G2E3: variants seen among roughly 807,000 people sequenced by gnomAD.
The protein encoded by G2E3 is G2/M phase-specific E3 ubiquitin-protein ligase.
G2E3 carries 35 observed loss-of-function variants against 92.8 expected under a neutral mutation model. The ratio of observed to expected loss-of-function variants is 0.38; its 90% CI spans 0.29 to 0.50. The LOEUF (loss-of-function observed/expected upper bound fraction) is 0.50. Ranked by LOEUF, G2E3 falls within the 20% of genes least tolerant of loss-of-function variation. The pLI, the probability that G2E3 is intolerant of heterozygous loss-of-function variation, is 0.94. For missense variants in G2E3, 554 were observed against 823.8 expected, an observed-to-expected ratio of 0.67 and a Z score of 4.01; for synonymous variants, 242 against 272.4, an observed-to-expected ratio of 0.89 and a Z score of 1.10.
intron 13 of G2E3, among the ~76,000 whole-genome samples, chr14:30,613,413 G>T (rs547635092): frequency 6.6e-6 from 1 of 152,112 alleles, no homozygotes; most frequent in Non-Finnish European, 1.5e-5. Context: ...ATATGTCTTG[G>T]ACCAGTATAA....
chr14:30,565,818 C>T (rs1188110737), intron 1 of G2E3, among the ~76,000 whole-genome samples: 1 of 151,828 alleles, frequency 6.6e-6, no homozygotes, highest in Non-Finnish European at 1.5e-5. Context: ...CCCACCACCA[C>T]ACCCGGCTAA....
intron 2 of G2E3, among the ~76,000 whole-genome samples, chr14:30,585,585 CTT>C (rs1166405949): frequency 6.9e-6 from 1 of 144,520 alleles, no homozygotes. Context: ...TCTTCTCCCC[CTT>C]TTTTTTTTTG....
intron 5 of G2E3, among the ~76,000 whole-genome samples, 186 bp from the exon 6 acceptor site, chr14:30,593,288 G>A (rs573058390): frequency 4.6e-5 from 7 of 152,162 alleles, no homozygotes; most frequent in Middle Eastern, 6.8e-3. Flanking sequence ...TTCAGATTTC[G>A]AAGGTCCAGC....
In G2E3 at chr14:30,618,477, T is replaced by C. The variant is rs988290405; in HGVS notation, c.*1943T>C. The C allele has an allele frequency of 2.6e-5, 4 of 152,124 alleles. No individual in the cohort carries two copies. The highest frequency in any genetic ancestry group is 2.6e-4 in the Admixed American group (4 of 15,266). The allele number at this position is 152,124 out of a possible 1,614,324, so 9.4% of individuals were successfully genotyped here. A position where few individuals can be genotyped will look rare whatever the true frequency, so the allele number is the denominator to read the frequency against. ...AATTAATTTCCCCTAGGGTAGAAAT[T>C]AAAGCTGATTAAGTCACACACACAT... On this transcript the variant is annotated 3_prime_UTR_variant, in exon 15 of 15. Coordinates refer to ENST00000206595, the MANE Select transcript of G2E3 (RefSeq NM_017769.5).
intron 3 of G2E3, among the ~76,000 whole-genome samples, 171 bp downstream of exon 3, chr14:30,586,986 A>G (rs1156501670): frequency 2.0e-5 from 3 of 152,164 alleles, no homozygotes; most frequent in Admixed American, 2.0e-4. Flanking sequence ...TAAGATTCTG[A>G]AGTTACTTAG....
chr14:30,591,858 G>T (rs1289077166), intron 4 of G2E3, among the ~76,000 whole-genome samples: 1 of 152,100 alleles, frequency 6.6e-6, no homozygotes, highest in Non-Finnish European at 1.5e-5. Context: ...TAAATCCACT[G>T]TAGGTGTCTC....
At chr14:30,575,457 G>C (rs1880024193) in intron 1 of G2E3, among the ~76,000 whole-genome samples, 1 of 152,090 alleles carries the variant, frequency 6.6e-6, no homozygotes, top group Non-Finnish European at 1.5e-5. Context: ...TTCCTCTTGA[G>C]AACCGACACA....
In G2E3 at chr14:30,575,988, C is replaced by A. The variant is rs1284874936; in HGVS notation, c.-4-5088C>A. Among the ~76,000 whole-genome samples the A allele has an allele frequency of 2.6e-5, 4 of 152,144 alleles. No homozygotes were observed. The South Asian group carries it at 6.2e-4, about 24-fold the overall frequency. On this transcript the variant is annotated intron_variant, in intron 1 of 14. Transcript: ENST00000206595. ...ACTGCTATTCCTGTCAAACTACCAA[C>A]AACATTCTTCACAAAACTAGAAAAA...
chr14:30,587,481 T>C (rs1299742021), intron 3 of G2E3, among the ~76,000 whole-genome samples: 2 of 152,182 alleles, frequency 1.3e-5, no homozygotes, highest in Non-Finnish European at 2.9e-5. Flanking sequence ...GCTTAAAAAA[T>C]TATTCTGAAA....
In G2E3 at chr14:30,619,403, G is replaced by A. The variant is rs1882460447; in HGVS notation, c.*2869G>A. The A allele has an allele frequency of 6.6e-6, 1 of 152,100 alleles. No homozygotes were observed. The highest frequency in any genetic ancestry group is 2.4e-5 in the African/African-American group (1 of 41,452). The allele number at this position is 152,100 out of a possible 1,614,324, so 9.4% of individuals were successfully genotyped here. On this transcript the variant is annotated 3_prime_UTR_variant, in exon 15 of 15. Coordinates refer to ENST00000206595, the MANE Select transcript of G2E3 (RefSeq NM_017769.5). ...TAGCATTCAGTCATTATAAGAAAAT[G>A]ATCAGAACAAAATCATTACATTATA... is the stretch of plus-strand genomic sequence containing the variant.
chr14:30,603,687 T>G (rs1276756280), intron 10 of G2E3, among the ~76,000 whole-genome samples: 2 of 151,920 alleles, frequency 1.3e-5, no homozygotes, highest in African/African-American at 4.8e-5. Context: ...ACAAAAATAT[T>G]TTGAGAAAAT....
At chr14:30,604,469 A>G (rs1040970581) in intron 10 of G2E3, among the ~76,000 whole-genome samples, 1 of 152,216 alleles carries the variant, frequency 6.6e-6, no homozygotes, top group Non-Finnish European at 1.5e-5. Context: ...GAGCTGGTTT[A>G]TATCGTCACT....
chr14:30,563,160 T>G (rs1360889126), intron 1 of G2E3, among the ~76,000 whole-genome samples: 1 of 123,658 alleles, frequency 8.1e-6, no homozygotes, highest in Non-Finnish European at 1.5e-5. Context: ...CTTGGTACAG[T>G]TTTTTTTTTT....
intron 13 of G2E3, among the ~76,000 whole-genome samples, chr14:30,613,736 A>G (rs1882195341): frequency 6.6e-6 from 1 of 151,716 alleles, no homozygotes; most frequent in Non-Finnish European, 1.5e-5. Context: ...TTAAAGATAC[A>G]TTATGAGTGT....
chr14:30,597,396 T>C (rs1320975168), intron 6 of G2E3, 24 bp from the exon 7 acceptor site: 1 of 1,119,386 alleles, frequency 8.9e-7, no homozygotes, highest in Admixed American at 1.7e-5. Flanking sequence ...TCATTAACAG[T>C]AGACTTTTTA....
chr14:30,565,966 A>C (rs568690244), intron 1 of G2E3, among the ~76,000 whole-genome samples: 2 of 152,110 alleles, frequency 1.3e-5, no homozygotes, highest in South Asian at 4.2e-4. Context: ...GGCCAACTTC[A>C]TTCTTATTTA....
At chr14:30,604,221 G>A (rs1371683200) in intron 10 of G2E3, among the ~76,000 whole-genome samples, 6 of 152,190 alleles carry the variant, frequency 3.9e-5, no homozygotes, top group Admixed American at 3.9e-4. Context: ...GTATGTTTCT[G>A]AAGAATTATC....
chr14:30,604,878 T>C (rs1442295988), intron 10 of G2E3, among the ~76,000 whole-genome samples: 1 of 150,174 alleles, frequency 6.7e-6, no homozygotes, highest in African/African-American at 2.5e-5. Flanking sequence ...CTTGCTTCAT[T>C]CATTCATTCA....
chr14:30,594,132 C>G (rs1381463330), intron 6 of G2E3, among the ~76,000 whole-genome samples: 2 of 152,104 alleles, frequency 1.3e-5, no homozygotes, highest in South Asian at 2.1e-4. Context: ...TGAGAGTCAT[C>G]TTACGTATCA....
Sources: allele counts gnomAD v4.1 joint callset (sites outside exome capture counted in the v4.1 genomes callset), GRCh38; gene constraint gnomAD v4.1.1; transcripts MANE v1.5; gene names NCBI Gene and HGNC (gene_info 2026-07-23, HGNC 2026-07-21).